NAA10: variants seen among roughly 807,000 people sequenced by gnomAD.
NAA10 encodes the protein N-alpha-acetyltransferase 10, NatA catalytic subunit, also known as N-alpha-acetyltransferase 10.
Under a neutral mutation model 19.2 loss-of-function variants are expected in NAA10, and 6 were observed. The ratio of observed to expected loss-of-function variants is 0.31; its 90% CI spans 0.17 to 0.62. The LOEUF (loss-of-function observed/expected upper bound fraction) is 0.62. Ranked by LOEUF, NAA10 falls within the 20% of genes least tolerant of loss-of-function variation. NAA10 has a pLI of 0.83. For missense variants in NAA10, 101 were observed against 198.4 expected, an observed-to-expected ratio of 0.51 and a Z score of 2.95; for synonymous variants, 97 against 79.9, an observed-to-expected ratio of 1.21 and a Z score of -1.14.
rs1557108003 is a variant in NAA10, at chrX:153,934,521, G to A, written c.22-46C>T. The A allele has an allele frequency of 4.0e-6, 4 of 994,169 alleles. No homozygotes were observed. The South Asian group carries it at 8.1e-5, about 20-fold the overall frequency. 81.9% of individuals were successfully genotyped at this position (994,169 alleles called of 1,213,427 possible). On this transcript the variant is annotated intron_variant, in intron 1 of 7. Coordinates refer to ENST00000464845, the MANE Select transcript of NAA10 (RefSeq NM_003491.4). ...GGAACGCGCTCAGTCTAAGGCGGCGGTGACCACGGGTGAGAAGCCTGCTCC... is the reference window on the plus strand; with the variant it reads ...GGAACGCGCTCAGTCTAAGGCGGCGATGACCACGGGTGAGAAGCCTGCTCC...
intron 6 of NAA10, 181 bp downstream of exon 6, chrX:153,931,890 G>T: frequency 8.8e-7 from 1 of 1,138,245 alleles, no homozygotes; most frequent in Non-Finnish European, 1.2e-6. Context: ...CTCCATGCCG[G>T]CTTTTCAACC....
chrX:153,931,835 C>T, intron 6 of NAA10: 1 of 1,098,381 alleles, frequency 9.1e-7, no homozygotes, highest in Non-Finnish European at 1.2e-6. Context: ...GGCCAGAGCT[C>T]CTCCATCACA....
At position 153,932,147 on chromosome X, in the gene NAA10, C is replaced by T. The variant is rs1422218133; in HGVS notation, c.342-32G>A. On this transcript the variant is annotated intron_variant, in intron 5 of 7. Coordinates refer to ENST00000464845, the MANE Select transcript of NAA10 (RefSeq NM_003491.4). ...GGGAACAAGGCACTGCTGAGCTGCA[C>T]GGATTTGGCCAGGGAGGGGTAGCAC... 8 of 1,209,308 alleles carry T rather than the reference C, an allele frequency of 6.6e-6. No homozygotes were observed. The African/African-American group carries it at 8.7e-5, about 13-fold the overall frequency.
chrX:153,932,507 C>A (rs782066279), intron 4 of NAA10, 32 bp downstream of exon 4: 1 of 1,201,167 alleles, frequency 8.3e-7, no homozygotes, highest in Non-Finnish European at 1.1e-6. Context: ...CACTTCCACC[C>A]CCACCAGAGA....
chrX:153,934,922 C>G lies in NAA10; in HGVS notation c.-18G>C. 1 of 997,993 alleles carries G rather than the reference C, an allele frequency of 1.0e-6. No individual in the cohort carries two copies. The highest frequency in any genetic ancestry group is 2.8e-5 in the South Asian group (1 of 35,661). The allele number at this position is 997,993 out of a possible 1,213,427, so 82.2% of individuals were successfully genotyped here. On this transcript the variant is annotated 5_prime_UTR_variant, in exon 1 of 8. Coordinates refer to ENST00000464845, the MANE Select transcript of NAA10 (RefSeq NM_003491.4). Reference sequence around the variant, plus strand: ...ATGTTCATAACGGCGGCGGGGCTCGCGGGTCCCAGCGGATCGTGAAGGCGC... The same window carrying G: ...ATGTTCATAACGGCGGCGGGGCTCGGGGGTCCCAGCGGATCGTGAAGGCGC...
At position 153,930,860 on chromosome X, in the gene NAA10, G is replaced by A. The variant is rs192273614; in HGVS notation, c.387-13C>T. The A allele has an allele frequency of 1.7e-6, 2 of 1,210,090 alleles. No homozygotes were observed. Among genetic ancestry groups the A allele is most frequent in the African/African-American group, 1.7e-5 (1 of 57,208 alleles). ...CACTTCACTGATCCTGGGGGCAGAG[G>A]GTTAGAGAGCAAGGAGGAAGACCTG... On this transcript the variant is annotated splice_polypyrimidine_tract_variant and intron_variant, in intron 6 of 7. Coordinates refer to ENST00000464845, the MANE Select transcript of NAA10 (RefSeq NM_003491.4).
Position 153,930,241 on chromosome X carries a change from G to C in NAA10, c.472-18C>G. 6 of 1,175,239 alleles carry C rather than the reference G, an allele frequency of 5.1e-6. No individual in the cohort carries two copies. The African/African-American group carries it at 1.1e-4, about 21-fold the overall frequency. On this transcript the variant is annotated intron_variant, in intron 7 of 7. Transcript: ENST00000464845. ...CGCCTCAGCTGCCACCAGGAACCCA[G>C]GGAGAAGCGGGGGCAAAGAGACAGG...
chrX:153,929,903 G>A lies in NAA10; in HGVS notation c.*84C>T, dbSNP rs200321384. ...GGAGAAACACACCCTCTAAATGTGC[G>A]CGCGCTCACACACAAAGTTCCCCAG... is the stretch of plus-strand genomic sequence containing the variant. On this transcript the variant is annotated 3_prime_UTR_variant, in exon 8 of 8. Coordinates refer to ENST00000464845, the MANE Select transcript of NAA10 (RefSeq NM_003491.4). 287 of 793,139 alleles carry A rather than the reference G, an allele frequency of 3.6e-4. 1 individual carries two copies. Among genetic ancestry groups the A allele is most frequent in the Non-Finnish European group, 4.4e-4 (227 of 519,987 alleles). The allele number at this position is 793,139 out of a possible 1,213,427, so 65.4% of individuals were successfully genotyped here.
chrX:153,933,044 C>A lies in NAA10; in HGVS notation c.180-460G>T, dbSNP rs2065175765. The stretch of plus-strand genomic sequence containing the variant: ...CTCCAGCCTGGGCAACAGAGCGAGA[C>A]CCTGTCTCAAAAAATAAAAAAAGAA... On this transcript the variant is annotated intron_variant, in intron 3 of 7. Transcript: ENST00000464845. The A allele has an allele frequency of 5.7e-5, 8 of 140,417 alleles. No homozygotes were observed. The South Asian group carries it at 1.4e-3, about 25-fold the overall frequency. 11.6% of individuals were successfully genotyped at this position (140,417 alleles called of 1,213,427 possible).
chrX:153,931,695 G>T, intron 6 of NAA10: 1 of 923,236 alleles, frequency 1.1e-6, no homozygotes, highest in South Asian at 3.0e-5. Context: ...CTCTCTCTTG[G>T]ATTCTTCTAG....
At chrX:153,934,243 G>T in intron 2 of NAA10, 134 bp downstream of exon 2, 1 of 622,375 alleles carries the variant, frequency 1.6e-6, no homozygotes, top group Non-Finnish European at 2.6e-6. Flanking sequence ...CTGTCTGCCA[G>T]CTGAAAACAC....
Position 153,932,456 on chromosome X carries a change from G to A in NAA10, c.226-25C>T, listed in dbSNP as rs181387598. On this transcript the variant is annotated intron_variant, in intron 4 of 7. Transcript: ENST00000464845. ...CCTGGTGGGAGAAGAGCAGAGATGG[G>A]GTGAGGGACTGGGACCTTGAGGGCT... 472 of 1,201,539 alleles carry A rather than the reference G, an allele frequency of 3.9e-4. 4 individuals are homozygous for A. The East Asian group carries it at 0.013, about 33-fold the overall frequency.
chrX:153,934,051 G>A (rs1299301722), intron 2 of NAA10, 50 bp from the exon 3 acceptor site: 1 of 1,092,497 alleles, frequency 9.2e-7, no homozygotes, highest in Non-Finnish European at 1.3e-6. Context: ...AGCTAGAAGA[G>A]CCCTTTAGAG....
chrX:153,934,130 C>A lies in NAA10; in HGVS notation c.121-129G>T, dbSNP rs10046980. The A allele has an allele frequency of 4.1e-4, 264 of 638,342 alleles. No individual in the cohort carries two copies. The African/African-American group carries it at 5.4e-3, about 13-fold the overall frequency. The allele number at this position is 638,342 out of a possible 1,213,427, so 52.6% of individuals were successfully genotyped here. A position where few individuals can be genotyped will look rare whatever the true frequency, so the allele number is the denominator to read the frequency against. ...CCTCCGGGCTGAGTGGCTTGGTCTCCCCCTCGCCACACTGTGCCCTGCCCA... is the reference window on the plus strand; with the variant it reads ...CCTCCGGGCTGAGTGGCTTGGTCTCACCCTCGCCACACTGTGCCCTGCCCA... On this transcript the variant is annotated intron_variant, in intron 2 of 7. Coordinates refer to ENST00000464845, the MANE Select transcript of NAA10 (RefSeq NM_003491.4).
chrX:153,929,262 C>T lies in NAA10; in HGVS notation c.*725G>A. On this transcript the variant is annotated 3_prime_UTR_variant, in exon 8 of 8. Coordinates refer to ENST00000464845, the MANE Select transcript of NAA10 (RefSeq NM_003491.4). Reference sequence around the variant, plus strand: ...TGGGCTGTAGTTTACAATAACTTATCAGTATTGGCGCATCAACAATAACAA... The same window carrying T: ...TGGGCTGTAGTTTACAATAACTTATTAGTATTGGCGCATCAACAATAACAA... 1 of 112,549 alleles carries T rather than the reference C, an allele frequency of 8.9e-6. No homozygotes were observed. The highest frequency in any genetic ancestry group is 2.8e-4 in the East Asian group (1 of 3,630). 9.3% of individuals were successfully genotyped at this position (112,549 alleles called of 1,213,427 possible).
chrX:153,933,628 C>T (rs2065179427), intron 3 of NAA10: 1 of 165,002 alleles, frequency 6.1e-6, no homozygotes, highest in South Asian at 1.5e-4. Flanking sequence ...GCCAAGATCA[C>T]GCGACTGCAC....
intron 3 of NAA10, chrX:153,933,079 C>T (rs1557107697): frequency 1.5e-5 from 2 of 132,643 alleles, no homozygotes; most frequent in Admixed American, 1.6e-4. Context: ...AATGAGCTGT[C>T]AACCCACGCA....
At chrX:153,934,606 T>A (rs1258306698) in intron 1 of NAA10, 131 bp from the exon 2 acceptor site, 3 of 620,105 alleles carry the variant, frequency 4.8e-6, no homozygotes, top group African/African-American at 2.2e-5. Context: ...CGATCTGACT[T>A]TGCACAACGC....
rs372290612 is a variant in NAA10, at chrX:153,932,405, G to T, written c.252C>A (p.Leu84=). Reference sequence around the variant, plus strand: ...GGTCCATCAGTTTCTGAGCCAGACCGAGGCGCCGGTGGGAACGCTTCACAG... The same window carrying T: ...GGTCCATCAGTTTCTGAGCCAGACCTAGGCGCCGGTGGGAACGCTTCACAG... ...SLAVKRSHRR[L]GLAQKLMDQA... is the part of the protein sequence containing the mutation. Residue 84 remains leucine, a synonymous_variant, in exon 5 of 8, where the codon CTC becomes CTA. Transcript: ENST00000464845. 5.8e-6 allele frequency: 7 copies of T among 1,211,724 alleles called. No homozygotes were observed. Among genetic ancestry groups the T allele is most frequent in the Non-Finnish European group, 7.8e-6 (7 of 895,317 alleles).
Sources: allele counts gnomAD v4.1 joint callset, GRCh38; gene constraint gnomAD v4.1.1; transcripts MANE v1.5; gene names NCBI Gene and HGNC (gene_info 2026-07-23, HGNC 2026-07-21).